CMIP: variants seen among roughly 807,000 people sequenced by gnomAD.
CMIP encodes the protein C-Maf-inducing protein.
In CMIP, 13 loss-of-function variants were observed where a neutral mutation model predicts 97.3. The observed-to-expected ratio is 0.13, with a 90% confidence interval of 0.09 to 0.21. CMIP has a LOEUF of 0.21. Ranked by LOEUF, CMIP falls within the 10% of genes least tolerant of loss-of-function variation. The pLI is 1.00. For synonymous variants in CMIP, 538 were observed against 436.3 expected (o/e 1.23, Z -2.91); for missense variants, 847 against 1,024.9 (o/e 0.83, Z 2.37).
At chr16:81,640,626 C>G (rs926136066) in intron 3 of CMIP, among the ~76,000 whole-genome samples, 3 of 152,126 alleles carry the variant, frequency 2.0e-5, no homozygotes, top group Non-Finnish European at 4.4e-5. Flanking sequence ...GCTTCTGAGA[C>G]TCTAGGGGAG....
chr16:81,563,512 G>A (rs2090924086), intron 1 of CMIP, among the ~76,000 whole-genome samples: 1 of 152,118 alleles, frequency 6.6e-6, no homozygotes, highest in African/African-American at 2.4e-5. Context: ...CAGCATCTGG[G>A]GCCACACTGA....
rs978387901 is a variant in CMIP at position 81,577,152 on chromosome 16, C to G, written c.301-30415C>G. 8.9e-5 allele frequency among the ~76,000 whole-genome samples: 13 copies of G among 145,826 alleles called. 1 individual carries two copies. The highest frequency in any genetic ancestry group is 3.5e-4 in the African/African-American group (13 of 36,982). ...TATCACCTTCATCACCACCATCATC[C>G]CCATTACCACTACATTATTATCACT... On this transcript the variant is annotated intron_variant, in intron 1 of 20. Coordinates refer to ENST00000537098, the MANE Select transcript of CMIP (RefSeq NM_198390.3).
chr16:81,522,576 T>C (rs2090049315), intron 1 of CMIP, among the ~76,000 whole-genome samples: 1 of 152,198 alleles, frequency 6.6e-6, no homozygotes, highest in Admixed American at 6.5e-5. Flanking sequence ...ACCCAATCAG[T>C]AGGACATGTG....
rs2092086215 is a variant in CMIP at position 81,627,267 on chromosome 16, G to T, written c.477+6341G>T. 6.6e-6 allele frequency among the ~76,000 whole-genome samples: 1 copy of T among 151,954 alleles called. No homozygotes were observed. On this transcript the variant is annotated intron_variant, in intron 3 of 20. Coordinates refer to ENST00000537098, the MANE Select transcript of CMIP (RefSeq NM_198390.3). The surrounding 1 kb of genome is among the most constrained non-coding windows in gnomAD (Gnocchi z 4.6). ...TGTGTGGCCTGTGGGGATACTATGA[G>T]TATGCTGGTTTGGAGTGTGTTTCTT...
At position 81,621,931 on chromosome 16, in the gene CMIP, C is replaced by A. The variant is rs2091997862; in HGVS notation, c.477+1005C>A. ...TCCTTTCCTCTGTCAGCTACTGGTC[C>A]TCTTGCTTTGTGCTGTGGGGCCAAG... On this transcript the variant is annotated intron_variant, in intron 3 of 20. Transcript: ENST00000537098. The surrounding 1 kb of genome is among the most constrained non-coding windows in gnomAD (Gnocchi z 4.1). 6.6e-6 allele frequency: 1 copy of A among 152,270 alleles called. No individual in the cohort carries two copies. The highest frequency in any genetic ancestry group is 2.1e-4 in the South Asian group (1 of 4,832). The allele number at this position is 152,270 out of a possible 1,614,324, so 9.4% of individuals were successfully genotyped here. A position where few individuals can be genotyped will look rare whatever the true frequency, so the allele number is the denominator to read the frequency against.
intron 1 of CMIP, among the ~76,000 whole-genome samples, chr16:81,550,014 G>A (rs368965546): frequency 1.3e-5 from 2 of 152,302 alleles, no homozygotes; most frequent in African/African-American, 4.8e-5. Context: ...CGTGTGCGTG[G>A]GCAAATGTGT....
At chr16:81,580,953 C>G (rs74031204) in intron 1 of CMIP, among the ~76,000 whole-genome samples, 6 of 147,514 alleles carry the variant, frequency 4.1e-5, no homozygotes, top group African/African-American at 1.5e-4. Flanking sequence ...CTTCCAGCCC[C>G]CTGACAGCCA....
intron 3 of CMIP, among the ~76,000 whole-genome samples, chr16:81,632,580 G>A (rs1273760909): frequency 2.0e-5 from 3 of 152,208 alleles, no homozygotes; most frequent in African/African-American, 7.2e-5. Context: ...GGGAGACTGA[G>A]TTTCTGACAG....
Position 81,670,132 on chromosome 16 carries a change from G to A in CMIP, c.826-10G>A, listed in dbSNP as rs760828003. The A allele has an allele frequency of 2.5e-6, 4 of 1,603,050 alleles. No homozygotes were observed. In the East Asian group the frequency reaches 6.8e-5, roughly 27 times the overall value. On this transcript the variant is annotated splice_polypyrimidine_tract_variant and intron_variant, in intron 7 of 20. Coordinates refer to ENST00000537098, the MANE Select transcript of CMIP (RefSeq NM_198390.3). ...ACCGTCCCGACTCCTGTCCTCTGCT[G>A]TCTCCACAGGACTTTGGGAAGTGCC... is the stretch of plus-strand genomic sequence containing the variant.
At chr16:81,495,874 G>A (rs1161811175) in intron 1 of CMIP, among the ~76,000 whole-genome samples, 1 of 152,208 alleles carries the variant, frequency 6.6e-6, no homozygotes, top group Non-Finnish European at 1.5e-5. Context: ...TAGACAGGAA[G>A]CTGTCAGTCC....
At chr16:81,696,926 A>G in intron 14 of CMIP, 1 of 540,746 alleles carries the variant, frequency 1.8e-6, no homozygotes, top group East Asian at 3.2e-5. Context: ...TGAGAAGACG[A>G]CACATGTCAT....
chr16:81,564,413 A>G (rs2090942169), intron 1 of CMIP, among the ~76,000 whole-genome samples: 1 of 152,248 alleles, frequency 6.6e-6, no homozygotes, highest in Admixed American at 6.5e-5. Flanking sequence ...TAATGGTCTC[A>G]GAGCAGAAAT....
chr16:81,596,603 C>T lies in CMIP; in HGVS notation c.301-10964C>T, dbSNP rs199704708. 2.7e-3 allele frequency among the ~76,000 whole-genome samples: 404 copies of T among 151,046 alleles called. 4 individuals are homozygous for T. The highest frequency in any genetic ancestry group is 9.3e-3 in the African/African-American group (382 of 41,032). ...GCTTGATGAACTTTAACAAAGTGAACACCCTGTATCACCAACAGCCAGAAT... is the reference window on the plus strand; with the variant it reads ...GCTTGATGAACTTTAACAAAGTGAATACCCTGTATCACCAACAGCCAGAAT... On this transcript the variant is annotated intron_variant, in intron 1 of 20. Transcript: ENST00000537098.
chr16:81,533,519 C>T (rs139118378), intron 1 of CMIP, among the ~76,000 whole-genome samples: 10 of 152,240 alleles, frequency 6.6e-5, no homozygotes, highest in African/African-American at 2.4e-4. Context: ...CTTTTTGTCA[C>T]CCAGGCTGGC....
chr16:81,670,057 C>T (rs1386670691), intron 7 of CMIP, 85 bp from the exon 8 acceptor site: 8 of 1,318,172 alleles, frequency 6.1e-6, no homozygotes, highest in South Asian at 2.7e-5. Flanking sequence ...AGCTCGGTCC[C>T]GCCCTTCTTT....
intron 1 of CMIP, among the ~76,000 whole-genome samples, chr16:81,526,276 A>G (rs977935251): frequency 1.3e-4 from 20 of 152,166 alleles, no homozygotes; most frequent in African/African-American, 4.6e-4. Flanking sequence ...GTGAACTTGG[A>G]TGTGGCATTT....
chr16:81,674,421 G>T (rs763936148), intron 9 of CMIP, among the ~76,000 whole-genome samples: 1 of 151,440 alleles, frequency 6.6e-6, no homozygotes, highest in East Asian at 2.0e-4. Flanking sequence ...GTGAGCCACC[G>T]CGCCTGGCTT....
At chr16:81,638,140 A>G (rs1229322268) in intron 3 of CMIP, among the ~76,000 whole-genome samples, 1 of 152,224 alleles carries the variant, frequency 6.6e-6, no homozygotes, top group East Asian at 1.9e-4. Context: ...CCATGGTCAC[A>G]TGGCCTGCGC....
intron 1 of CMIP, among the ~76,000 whole-genome samples, chr16:81,594,780 A>ATTTT (rs570057427): frequency 1.7e-5 from 2 of 115,078 alleles, no homozygotes; most frequent in Non-Finnish European, 1.7e-5. Flanking sequence ...CGCCCAGCTA[A>ATTTT]TTTTTTTTTT....
Sources: gnomAD v4.1 joint callset for allele counts (sites outside exome capture counted in the v4.1 genomes callset) on GRCh38, gnomAD v4.1.1 for gene constraint, Gnocchi (gnomAD v3.1) non-coding constraint, MANE v1.5 for transcripts, NCBI Gene and HGNC (gene_info 2026-07-23, HGNC 2026-07-21) for gene names.